Variants in CRTAC1 observed in about 807,000 individuals in gnomAD.
CRTAC1 encodes cartilage acidic protein 1.
CRTAC1 carries 37 observed loss-of-function variants against 67.8 expected under a neutral mutation model. The observed-to-expected ratio is 0.55, with a 90% CI of 0.42 to 0.72. The LOEUF is 0.72. Among genes scored for constraint, CRTAC1 ranks in the 30% least tolerant of loss-of-function variants. CRTAC1 has a pLI of 0.00. For missense variants in CRTAC1, 780 were observed against 931.6 expected (o/e 0.84, Z 2.12); for synonymous variants, 348 against 371.0 (o/e 0.94, Z 0.71).
At chr10:97,940,815 G>C (rs990072910) in intron 2 of CRTAC1, among the ~76,000 whole-genome samples, 1 of 152,126 alleles carries the variant, frequency 6.6e-6, no homozygotes, top group African/African-American at 2.4e-5. Context: ...GACAACACTT[G>C]GTAAACTGTG....
chr10:97,906,899 C>T (rs2050619920), intron 6 of CRTAC1, among the ~76,000 whole-genome samples: 1 of 152,206 alleles, frequency 6.6e-6, no homozygotes, highest in African/African-American at 2.4e-5. Flanking sequence ...ATGTGAACTG[C>T]TGGCAACAGC....
chr10:97,986,505 T>C (rs183277279), intron 2 of CRTAC1, among the ~76,000 whole-genome samples: 1 of 152,274 alleles, frequency 6.6e-6, no homozygotes, highest in Admixed American at 6.5e-5. Context: ...CATGCAGGAT[T>C]GCGAGTGTTT....
intron 8 of CRTAC1, 85 bp from the exon 9 acceptor site, chr10:97,897,076 A>C: frequency 1.0e-6 from 1 of 993,460 alleles, no homozygotes. Context: ...CTGTCCCCTG[A>C]GCATCCCCGG....
chr10:97,891,692 C>T (rs934103497), intron 11 of CRTAC1, among the ~76,000 whole-genome samples: 7 of 152,320 alleles, frequency 4.6e-5, no homozygotes, highest in East Asian at 1.9e-4. Context: ...CCCCTGTTCT[C>T]GCACCCCCAT....
intron 2 of CRTAC1, among the ~76,000 whole-genome samples, chr10:97,984,740 G>A (rs1369677704): frequency 2.6e-5 from 4 of 152,190 alleles, no homozygotes; most frequent in Non-Finnish European, 5.9e-5. Context: ...GTTTGGGCAC[G>A]TGATGCTCAG....
chr10:97,898,164 G>A (rs574657834), intron 8 of CRTAC1, among the ~76,000 whole-genome samples: 7 of 152,336 alleles, frequency 4.6e-5, no homozygotes, highest in Non-Finnish European at 1.0e-4. Context: ...CAATTCCACT[G>A]TATTTCTGTG....
At chr10:97,908,655 C>A (rs2050648567) in intron 5 of CRTAC1, among the ~76,000 whole-genome samples, 1 of 152,170 alleles carries the variant, frequency 6.6e-6, no homozygotes, top group African/African-American at 2.4e-5. Flanking sequence ...TGACGTTAAA[C>A]AATTACATCC....
chr10:97,950,285 A>AGAGG (rs1222068362), intron 2 of CRTAC1, among the ~76,000 whole-genome samples: 1 of 150,284 alleles, frequency 6.7e-6, no homozygotes, highest in Non-Finnish European at 1.5e-5. Context: ...AGAGAGAGAG[A>AGAGG]GAGAGTATGG....
intron 2 of CRTAC1, among the ~76,000 whole-genome samples, chr10:97,954,250 A>G (rs2051405082): frequency 6.6e-6 from 1 of 152,178 alleles, no homozygotes; most frequent in Non-Finnish European, 1.5e-5. Flanking sequence ...AGGAGGCATG[A>G]TTGCTTATCT....
chr10:98,002,826 T>C (rs1386543672), intron 2 of CRTAC1, among the ~76,000 whole-genome samples: 2 of 126,248 alleles, frequency 1.6e-5, no homozygotes, highest in African/African-American at 6.0e-5. Flanking sequence ...TCCCCCAGGC[T>C]GGAGTGCAGA....
intron 14 of CRTAC1, chr10:97,870,449 G>A (rs1243976761): frequency 6.6e-6 from 1 of 152,118 alleles, no homozygotes; most frequent in Admixed American, 6.5e-5. Flanking sequence ...CTGGGTCGGG[G>A]GTAGCGAATG....
Position 97,936,377 on chromosome 10 carries a change from A to C in CRTAC1, c.225-11T>G, listed in dbSNP as rs758069735. The C allele has an allele frequency of 6.3e-7, 1 of 1,596,314 alleles. No homozygotes were observed. Among genetic ancestry groups the C allele is most frequent in the South Asian group, 1.1e-5 (1 of 89,866 alleles). On this transcript the variant is annotated splice_polypyrimidine_tract_variant and intron_variant, in intron 2 of 14. Transcript: ENST00000370597. ...TTGGGTCCATTGTACCTGGAGGAGG[A>C]ATGGGGAGGGGATGCTGGGGAGGAG...
At position 98,011,207 on chromosome 10, in the gene CRTAC1, G is replaced by A. The variant is rs1054298353; in HGVS notation, c.155C>T (p.Thr52Ile). 1 of 1,614,214 alleles carries A rather than the reference G, an allele frequency of 6.2e-7. No homozygotes were observed. The highest frequency in any genetic ancestry group is 8.5e-7 in the Non-Finnish European group (1 of 1,180,036). The change falls in exon 2 of 15, where the codon ACC becomes ATC. Residue 52 changes from threonine (T) to isoleucine (I), a missense_variant. Thr to Ile is a moderately conservative substitution (Grantham distance 89). Coordinates refer to ENST00000370597, the MANE Select transcript of CRTAC1 (RefSeq NM_018058.7). ...VLPPDYDSNP[T>I]QLNYGVAVTD... ...AACTGCCACACCATAGTTGAGCTGG[G>A]TGGGATTACTGTCATAGTCAGGAGG... is the stretch of plus-strand genomic sequence containing the variant.
intron 2 of CRTAC1, among the ~76,000 whole-genome samples, chr10:97,989,042 T>TC (rs2052030424): frequency 6.6e-6 from 1 of 152,214 alleles, no homozygotes; most frequent in Admixed American, 6.5e-5. Flanking sequence ...AATTTGCCCC[T>TC]CATCCCCTGC....
At chr10:97,984,420 C>T (rs543294209) in intron 2 of CRTAC1, among the ~76,000 whole-genome samples, 269 of 152,334 alleles carry the variant, frequency 1.8e-3, no homozygotes, top group Middle Eastern at 6.8e-3. Context: ...TCTGCAAATC[C>T]ATGCCACATT....
intron 14 of CRTAC1, among the ~76,000 whole-genome samples, chr10:97,874,253 G>T (rs2136531161): frequency 6.6e-6 from 1 of 152,316 alleles, no homozygotes; most frequent in African/African-American, 2.4e-5. Context: ...GGTGTTCCTG[G>T]ATTTAAAGCT....
chr10:97,878,632 G>T lies in CRTAC1; in HGVS notation c.1819+1617C>A, dbSNP rs1041562923. On this transcript the variant is annotated intron_variant, in intron 14 of 14. Transcript: ENST00000370597. ...TACATCATTTCCAAAGAGTGTTCTG[G>T]CTACAGGAGCATTCTATTTTCCAAG... 3 of 1,303,896 alleles carry T rather than the reference G, an allele frequency of 2.3e-6. No homozygotes were observed. In the African/African-American group the frequency reaches 4.6e-5, roughly 20 times the overall value. 80.8% of individuals were successfully genotyped at this position (1,303,896 alleles called of 1,614,324 possible).
chr10:97,935,071 C>A (rs1361894388), intron 3 of CRTAC1, among the ~76,000 whole-genome samples: 2 of 152,128 alleles, frequency 1.3e-5, no homozygotes, highest in Non-Finnish European at 2.9e-5. Context: ...GCTAGGCTCT[C>A]CAAGAGGCAG....
chr10:97,897,101 G>T, intron 8 of CRTAC1, 110 bp from the exon 9 acceptor site: 1 of 718,602 alleles, frequency 1.4e-6, no homozygotes, highest in South Asian at 2.0e-5. Context: ...CAATGTGCAT[G>T]GGCTACCACC....
Sources: allele counts gnomAD v4.1 joint callset (sites outside exome capture counted in the v4.1 genomes callset), GRCh38; gene constraint gnomAD v4.1.1; transcripts MANE v1.5; gene names NCBI Gene and HGNC (gene_info 2026-07-23, HGNC 2026-07-21).